Variants in LAMA2 observed in about 807,000 individuals in gnomAD.
The protein encoded by LAMA2 is laminin subunit alpha 2.
In LAMA2, 269 loss-of-function variants were observed where a neutral mutation model predicts 364.8. The ratio of observed to expected loss-of-function variants is 0.74; its 90% CI spans 0.67 to 0.82. LAMA2 has a LOEUF of 0.82. Among genes scored for constraint, LAMA2 ranks in the 40% least tolerant of loss-of-function variants. The pLI is 0.00. For synonymous variants in LAMA2, 1,379 were observed against 1,370.6 expected, an observed-to-expected ratio of 1.01 and a Z score of -0.14; for missense variants, 3,807 against 3,873.2, an observed-to-expected ratio of 0.98 and a Z score of 0.45.
At chr6:128,885,196 C>T (rs924140514) in intron 1 of LAMA2, among the ~76,000 whole-genome samples, 1 of 152,074 alleles carries the variant, frequency 6.6e-6, no homozygotes, top group African/African-American at 2.4e-5. Flanking sequence ...TGTCATAGAC[C>T]ATTTACAATA....
chr6:129,344,245 C>T (rs1476185540), intron 30 of LAMA2, among the ~76,000 whole-genome samples: 1 of 151,940 alleles, frequency 6.6e-6, no homozygotes, highest in African/African-American at 2.4e-5. Context: ...CTAGCATGGG[C>T]AAAAGATAAT....
At chr6:129,151,585 G>T (rs938643573) in intron 7 of LAMA2, among the ~76,000 whole-genome samples, 2 of 152,160 alleles carry the variant, frequency 1.3e-5, no homozygotes, top group African/African-American at 2.4e-5. Flanking sequence ...ATAAAGGAAA[G>T]AGGTTTAGTT....
intron 17 of LAMA2, among the ~76,000 whole-genome samples, chr6:129,271,577 C>T (rs1787945393): frequency 6.8e-6 from 1 of 147,806 alleles, no homozygotes; most frequent in Admixed American, 7.0e-5. Flanking sequence ...TCAAGCCATT[C>T]TCCTGCCTCA....
intron 11 of LAMA2, among the ~76,000 whole-genome samples, chr6:129,192,200 A>G (rs1017677042): frequency 6.6e-6 from 1 of 152,228 alleles, no homozygotes; most frequent in Non-Finnish European, 1.5e-5. Context: ...AGGTACTTGC[A>G]TAGTTTCTTT....
chr6:129,320,905 T>C (rs548088879), intron 28 of LAMA2, among the ~76,000 whole-genome samples: 1 of 152,336 alleles, frequency 6.6e-6, no homozygotes, highest in South Asian at 2.1e-4. Context: ...TAAGAATGTT[T>C]TAATAAGCCT....
In LAMA2 at chr6:129,098,269, C is replaced by A. The variant is rs773537709; in HGVS notation, c.493C>A (p.Pro165Thr). The part of the protein sequence containing the change: ...ERSLDDVEYK[P>T]WQYHAVTDTE... ...CTCTCTTGATGATGTTGAATACAAGCCCTGGCAGTATCATGCTGTGACAGA... is the reference window on the plus strand; with the variant it reads ...CTCTCTTGATGATGTTGAATACAAGACCTGGCAGTATCATGCTGTGACAGA... The change falls in exon 4 of 65, where the codon CCC (proline) becomes ACC (threonine). Residue 165 changes from proline (P) to threonine (T), a missense_variant. Transcript: ENST00000421865. 2 of 1,613,942 alleles carry A rather than the reference C, an allele frequency of 1.2e-6. No homozygotes were observed. Among genetic ancestry groups the A allele is most frequent in the African/African-American group, 2.7e-5 (2 of 74,878 alleles).
At chr6:129,307,940 T>C (rs777403335) in intron 22 of LAMA2, among the ~76,000 whole-genome samples, 1 of 152,154 alleles carries the variant, frequency 6.6e-6, no homozygotes, top group Non-Finnish European at 1.5e-5. Flanking sequence ...CAGTACCCTA[T>C]AGAGATGTAA....
Position 129,384,195 on chromosome 6 carries a change from A to G in LAMA2, c.5071+962A>G, listed in dbSNP as rs532324994. Among the ~76,000 whole-genome samples the G allele has an allele frequency of 3.6e-4, 55 of 152,278 alleles. 1 individual carries two copies. In the South Asian group the frequency reaches 0.011, roughly 31 times the overall value. On this transcript the variant is annotated intron_variant, in intron 35 of 64. Coordinates refer to ENST00000421865, the MANE Select transcript of LAMA2 (RefSeq NM_000426.4). ...AAACAGAAATTATTTCTGCCAGAAAAATCTCAGTTAATTCATTGTGGTTTA... is the reference window on the plus strand; with the variant it reads ...AAACAGAAATTATTTCTGCCAGAAAGATCTCAGTTAATTCATTGTGGTTTA...
In LAMA2 at chr6:129,473,228, G is replaced by A. The variant is rs759946630; in HGVS notation, c.7315G>A (p.Val2439Ile). 2 of 1,595,750 alleles carry A rather than the reference G, an allele frequency of 1.3e-6. No individual in the cohort carries two copies. Among genetic ancestry groups the A allele is most frequent in the African/African-American group, 1.3e-5 (1 of 74,522 alleles). ...CTCCTTTACAGCCAATATATCAATT[G>A]TAGATATAGATACTAATCAGGAGGA... ...RIQKQANISI[V>I]DIDTNQEENI... The change falls in exon 52 of 65, where the codon GTA (valine) becomes ATA (isoleucine). Residue 2439 changes from valine (V) to isoleucine (I), a missense_variant. This residue lies in a region of LAMA2 where 3,333 missense variants were observed against 3,345.7 expected (regional missense o/e 1.00). Transcript: ENST00000421865.
At chr6:129,158,107 C>A in intron 8 of LAMA2, 3 of 1,612,232 alleles carry the variant, frequency 1.9e-6, no homozygotes, top group South Asian at 1.1e-5. Context: ...AGACCACAGG[C>A]AGCTGAATAA....
At chr6:128,884,326 AG>A in intron 1 of LAMA2, among the ~76,000 whole-genome samples, 1 of 152,292 alleles carries the variant, frequency 6.6e-6, no homozygotes, top group East Asian at 1.9e-4. Context: ...TAAAAAAAAA[AG>A]AAATATTTAT....
intron 39 of LAMA2, 75 bp from the exon 40 acceptor site, chr6:129,403,746 T>G: frequency 7.2e-7 from 1 of 1,387,462 alleles, no homozygotes; most frequent in Non-Finnish European, 1.0e-6. Context: ...GAAGCCAGAT[T>G]TCATATAATT....
At chr6:129,168,629 G>T (rs1269359608) in intron 9 of LAMA2, among the ~76,000 whole-genome samples, 8 of 145,680 alleles carry the variant, frequency 5.5e-5, no homozygotes, top group Non-Finnish European at 9.0e-5. Context: ...TTTGGCTTAG[G>T]ATTGACTTGG....
chr6:129,023,596 A>G (rs1454440905), intron 1 of LAMA2, among the ~76,000 whole-genome samples: 1 of 152,158 alleles, frequency 6.6e-6, no homozygotes, highest in East Asian at 1.9e-4. Flanking sequence ...TCTTACCTCC[A>G]TATTTAATGG....
In LAMA2 at chr6:129,189,661, C is replaced by T. The variant is rs560922577; in HGVS notation, c.1468-544C>T. Among the ~76,000 whole-genome samples, 6 of 152,164 alleles carry T rather than the reference C, an allele frequency of 3.9e-5. No homozygotes were observed. In the East Asian group the frequency reaches 1.2e-3, roughly 29 times the overall value. On this transcript the variant is annotated intron_variant, in intron 10 of 64. Coordinates refer to ENST00000421865, the MANE Select transcript of LAMA2 (RefSeq NM_000426.4). Reference sequence around the variant, plus strand: ...CTTTCTACTTTATCTGATCTTTACCCCAGTTTCTCTACCTGTCAAATTCCT... The same window carrying T: ...CTTTCTACTTTATCTGATCTTTACCTCAGTTTCTCTACCTGTCAAATTCCT...
chr6:129,300,320 T>A (rs1773472279), intron 21 of LAMA2, among the ~76,000 whole-genome samples: 1 of 152,128 alleles, frequency 6.6e-6, no homozygotes, highest in South Asian at 2.1e-4. Flanking sequence ...TTACTGCAGA[T>A]CGGGCTCATC....
chr6:129,010,620 A>T (rs1784709136), intron 1 of LAMA2, among the ~76,000 whole-genome samples: 1 of 152,262 alleles, frequency 6.6e-6, no homozygotes, highest in Non-Finnish European at 1.5e-5. Context: ...ATAGAATGGC[A>T]TTTCACATTG....
chr6:129,219,832 TG>T (rs553373067), intron 12 of LAMA2, among the ~76,000 whole-genome samples: 156 of 3,976 alleles, frequency 0.039, 1 homozygote, highest in Middle Eastern at 0.33. Flanking sequence ...TGTTGTGGGG[TG>T]GGGGGGAGGG....
intron 3 of LAMA2, among the ~76,000 whole-genome samples, chr6:129,093,128 G>A (rs1008734680): frequency 6.6e-6 from 1 of 151,156 alleles, no homozygotes; most frequent in Non-Finnish European, 1.5e-5. Context: ...GATTACAGGC[G>A]CCCACCACCA....
Sources: allele counts gnomAD v4.1 joint callset (sites outside exome capture counted in the v4.1 genomes callset), GRCh38; gene constraint gnomAD v4.1.1; regional missense constraint gnomAD v4.1.1; transcripts MANE v1.5; gene names NCBI Gene and HGNC (gene_info 2026-07-23, HGNC 2026-07-21).